Variants in BABAM2 observed in about 807,000 individuals in gnomAD.
BABAM2 encodes the protein BRISC and BRCA1 A complex member 2.
A neutral mutation model predicts 54.7 loss-of-function variants in BABAM2; 31 were observed. The observed-to-expected ratio is 0.57, with a 90% confidence interval of 0.43 to 0.77. BABAM2 has a LOEUF of 0.77. BABAM2 is among the 30% of genes least tolerant of loss of function. BABAM2 has a pLI of 0.00. For missense variants in BABAM2, 364 were observed against 455.8 expected (o/e 0.80, Z 1.83); for synonymous variants, 167 against 162.9 (o/e 1.03, Z -0.19).
At chr2:28,105,515 G>T (rs941788325) in intron 6 of BABAM2, among the ~76,000 whole-genome samples, 5 of 152,156 alleles carry the variant, frequency 3.3e-5, no homozygotes, top group African/African-American at 9.6e-5. Context: ...AAAAACTTAA[G>T]TTTTTTTTCT....
At chr2:28,321,399 AG>A (rs891594953) in intron 11 of BABAM2, among the ~76,000 whole-genome samples, 83 of 152,310 alleles carry the variant, frequency 5.4e-4, no homozygotes, top group African/African-American at 1.8e-3. Flanking sequence ...TGACACCAGG[AG>A]GTTCCATCTC....
intron 10 of BABAM2, among the ~76,000 whole-genome samples, chr2:28,260,933 TTTTC>T (rs1199236367): frequency 8.6e-6 from 1 of 116,296 alleles, no homozygotes; most frequent in Non-Finnish European, 1.7e-5. Context: ...AAATTTTTCA[TTTTC>T]TTTCTTTTTT....
At chr2:28,119,722 G>C (rs1165050156) in intron 6 of BABAM2, among the ~76,000 whole-genome samples, 1 of 151,892 alleles carries the variant, frequency 6.6e-6, no homozygotes, top group Non-Finnish European at 1.5e-5. Context: ...TAATAAGCAA[G>C]ATAGAATTAA....
intron 6 of BABAM2, among the ~76,000 whole-genome samples, chr2:28,102,590 C>T (rs550607862): frequency 1.7e-4 from 26 of 152,346 alleles, no homozygotes; most frequent in African/African-American, 6.3e-4. Flanking sequence ...GAAAGGCTAT[C>T]AGCCATCTGA....
chr2:28,132,142 CTTT>C (rs371766527), intron 7 of BABAM2, among the ~76,000 whole-genome samples: 1 of 139,412 alleles, frequency 7.2e-6, no homozygotes, highest in Non-Finnish European at 1.5e-5. Context: ...TCTTCTTCTT[CTTT>C]TTTTTTTTTT....
At chr2:28,224,851 C>CAAAAAAAAAAAAAAAAA (rs754146418) in intron 7 of BABAM2, among the ~76,000 whole-genome samples, 3 of 83,924 alleles carry the variant, frequency 3.6e-5, no homozygotes, top group Non-Finnish European at 4.8e-5. Flanking sequence ...GGTAAATTGA[C>CAAAAAAAAAAAAAAAAA]AAAAAAAAAA....
chr2:27,939,330 ACTTAAG>A (rs1269705212), intron 3 of BABAM2, among the ~76,000 whole-genome samples: 7 of 152,202 alleles, frequency 4.6e-5, no homozygotes, highest in African/African-American at 1.7e-4. Flanking sequence ...TTATTTCATA[ACTTAAG>A]CTCAATAAAG....
intron 6 of BABAM2, among the ~76,000 whole-genome samples, chr2:28,102,661 A>T (rs1176189890): frequency 6.6e-6 from 1 of 152,244 alleles, no homozygotes; most frequent in Non-Finnish European, 1.5e-5. Context: ...GGTAGGATGC[A>T]GGAAAACAGT....
chr2:27,911,709 TTCTC>T (rs1042386915), intron 2 of BABAM2, among the ~76,000 whole-genome samples: 10 of 152,134 alleles, frequency 6.6e-5, no homozygotes, highest in South Asian at 4.1e-4. Context: ...GTTCATCCAT[TTCTC>T]TCTCTCAGTA....
chr2:28,096,459 A>G lies in BABAM2; in HGVS notation c.571-32812A>G, dbSNP rs567891295. On this transcript the variant is annotated intron_variant, in intron 6 of 11. Transcript: ENST00000379624. ...ATCTTAGCGGGAGTGAGGTTGAGGG[A>G]AGGTACAGAAAGAATATGAGATGTC... Among the ~76,000 whole-genome samples the G allele has an allele frequency of 2.6e-4, 40 of 151,914 alleles. 1 individual carries two copies. In the South Asian group the frequency reaches 8.4e-3, roughly 32 times the overall value.
chr2:28,227,206 TC>T (rs756311862), intron 7 of BABAM2, among the ~76,000 whole-genome samples: 3 of 152,038 alleles, frequency 2.0e-5, no homozygotes, highest in Non-Finnish European at 4.4e-5. Context: ...TTTTTTAACC[TC>T]ACGTTTTCTT....
chr2:28,030,411 CTG>C (rs1676207364), intron 5 of BABAM2, among the ~76,000 whole-genome samples: 1 of 152,128 alleles, frequency 6.6e-6, no homozygotes, highest in Non-Finnish European at 1.5e-5. Flanking sequence ...AGTAAAGAAA[CTG>C]AGAATCCTGT....
At chr2:28,137,359 G>T (rs1670641268) in intron 7 of BABAM2, among the ~76,000 whole-genome samples, 1 of 152,168 alleles carries the variant, frequency 6.6e-6, no homozygotes, top group African/African-American at 2.4e-5. Flanking sequence ...CTCAGGAGAA[G>T]ATATGTATTT....
chr2:28,192,885 T>G (rs1360486643), intron 7 of BABAM2, among the ~76,000 whole-genome samples: 1 of 151,892 alleles, frequency 6.6e-6, no homozygotes, highest in Admixed American at 6.6e-5. Flanking sequence ...AAAAAATAGT[T>G]CTGTTGGCTG....
chr2:28,128,305 G>A (rs1220960259), intron 6 of BABAM2, among the ~76,000 whole-genome samples: 3 of 152,142 alleles, frequency 2.0e-5, no homozygotes, highest in Admixed American at 6.5e-5. Flanking sequence ...TTTTATATTT[G>A]ACTTGGAGCC....
At chr2:28,192,448 A>T (rs1239490725) in intron 7 of BABAM2, among the ~76,000 whole-genome samples, 3 of 33,458 alleles carry the variant, frequency 9.0e-5, no homozygotes, top group Non-Finnish European at 2.3e-4. Context: ...AGTATAATAA[A>T]AAAAAAAATA....
chr2:28,278,220 T>G (rs776127014), intron 10 of BABAM2, among the ~76,000 whole-genome samples: 2 of 152,166 alleles, frequency 1.3e-5, no homozygotes, highest in Non-Finnish European at 2.9e-5. Flanking sequence ...TGGGAGTATT[T>G]TGAACAGGGA....
intron 6 of BABAM2, among the ~76,000 whole-genome samples, chr2:28,102,189 AT>A (rs1355710728): frequency 6.6e-6 from 1 of 152,162 alleles, no homozygotes; most frequent in East Asian, 1.9e-4. Flanking sequence ...CACAGTGAAT[AT>A]TTTTTGAATA....
At chr2:28,281,910 G>A (rs1686393864) in intron 10 of BABAM2, among the ~76,000 whole-genome samples, 3 of 152,222 alleles carry the variant, frequency 2.0e-5, no homozygotes, top group African/African-American at 7.2e-5. Flanking sequence ...GACTGGAGCA[G>A]AGGTGAGCAG....
Sources: gnomAD v4.1 joint callset for allele counts (sites outside exome capture counted in the v4.1 genomes callset) on GRCh38, gnomAD v4.1.1 for gene constraint, MANE v1.5 for transcripts, NCBI Gene and HGNC (gene_info 2026-07-23, HGNC 2026-07-21) for gene names.